HELZ: variants seen among roughly 807,000 people sequenced by gnomAD.
HELZ encodes ATP-dependent RNA helicase with zinc finger domain.
Under a neutral mutation model 218.2 loss-of-function variants are expected in HELZ, and 23 were observed. The ratio of observed to expected loss-of-function variants is 0.11; its 90% CI spans 0.08 to 0.15. HELZ has a LOEUF of 0.15. Ranked by LOEUF, HELZ falls within the 10% of genes least tolerant of loss-of-function variation. The pLI, the probability that HELZ is intolerant of heterozygous loss-of-function variation, is 1.00. For missense variants in HELZ, 1,813 were observed against 2,353.7 expected (o/e 0.77, Z 4.75); for synonymous variants, 814 against 829.4 (o/e 0.98, Z 0.32).
intron 7 of HELZ, among the ~76,000 whole-genome samples, chr17:67,197,424 T>C (rs2040059661): frequency 6.6e-6 from 1 of 152,208 alleles, no homozygotes; most frequent in African/African-American, 2.4e-5. Flanking sequence ...ATCCCTATCC[T>C]TTAAACTCAG....
chr17:67,202,322 A>G (rs1482218274), intron 6 of HELZ, among the ~76,000 whole-genome samples: 1 of 152,152 alleles, frequency 6.6e-6, no homozygotes, highest in Non-Finnish European at 1.5e-5. Context: ...ATCTCAACCA[A>G]AAAAAGCCAA....
At chr17:67,102,319 C>T (rs1428260525) in intron 31 of HELZ, among the ~76,000 whole-genome samples, 2 of 152,124 alleles carry the variant, frequency 1.3e-5, no homozygotes, top group Non-Finnish European at 2.9e-5. Flanking sequence ...CTAGGAAAGG[C>T]TAAATGTTAT....
intron 15 of HELZ, among the ~76,000 whole-genome samples, chr17:67,162,822 G>A (rs2039028895): frequency 6.6e-6 from 1 of 151,558 alleles, no homozygotes; most frequent in African/African-American, 2.4e-5. Context: ...AACTACAGCA[G>A]CCATCTTATA....
chr17:67,085,207 C>T (rs2036331705), intron 32 of HELZ, among the ~76,000 whole-genome samples: 1 of 152,090 alleles, frequency 6.6e-6, no homozygotes. Flanking sequence ...TCGCTTGAGT[C>T]CAGGAGTTTG....
At position 67,128,732 on chromosome 17, in the gene HELZ, C is replaced by A. The variant is rs1231016570; in HGVS notation, c.3306G>T (p.Pro1102=). 1.2e-6 allele frequency: 2 copies of A among 1,614,086 alleles called. No homozygotes were observed. The highest frequency in any genetic ancestry group is 1.7e-5 in the Admixed American group (1 of 60,016). ...LELKKTYVLN[P]LAPEFIPRAL... ...CCCGGGGGATAAATTCAGGTGCCAG[C>A]GGATTCAACACATATGTCTTCTTTA... is the stretch of plus-strand genomic sequence containing the variant. The change falls in exon 24 of 33, where the codon CCG becomes CCT. Residue 1102 remains proline, a synonymous_variant. Coordinates refer to ENST00000358691, the MANE Select transcript of HELZ (RefSeq NM_014877.4).
chr17:67,243,041 GA>G (rs2041368994), intron 2 of HELZ, among the ~76,000 whole-genome samples: 1 of 151,870 alleles, frequency 6.6e-6, no homozygotes, highest in African/African-American at 2.4e-5. Context: ...GAAAACTCGT[GA>G]AAAATGTAAA....
At chr17:67,119,648 TAC>T (rs1273404392) in intron 27 of HELZ, among the ~76,000 whole-genome samples, 1 of 152,170 alleles carries the variant, frequency 6.6e-6, no homozygotes, top group Admixed American at 6.5e-5. Flanking sequence ...GAATAAAAAA[TAC>T]AGTAATTTTT....
chr17:67,118,521 C>T (rs1319650767), intron 27 of HELZ, among the ~76,000 whole-genome samples: 1 of 151,392 alleles, frequency 6.6e-6, no homozygotes, highest in African/African-American at 2.4e-5. Context: ...TGGACTTCAA[C>T]AAAAATAAAA....
intron 3 of HELZ, chr17:67,225,370 ACTC>A (rs2040862359): frequency 1.2e-5 from 2 of 164,026 alleles, no homozygotes; most frequent in South Asian, 1.7e-4. Context: ...CAGCCCGACA[ACTC>A]CTACTTTTAC....
chr17:67,114,946 A>G (rs934090164), intron 27 of HELZ, among the ~76,000 whole-genome samples: 5 of 152,212 alleles, frequency 3.3e-5, no homozygotes, highest in East Asian at 3.8e-4. Context: ...AGGTTTTAAA[A>G]AAGCACAGTT....
intron 2 of HELZ, among the ~76,000 whole-genome samples, chr17:67,240,966 A>C (rs773137846): frequency 1.1e-4 from 16 of 152,222 alleles, no homozygotes; most frequent in Non-Finnish European, 2.1e-4. Context: ...AAAAAGAGGA[A>C]TATTCACTTC....
At position 67,188,185 on chromosome 17, in the gene HELZ, G is replaced by A; in HGVS notation, c.1162+134C>T. On this transcript the variant is annotated intron_variant, in intron 12 of 32. Coordinates refer to ENST00000358691, the MANE Select transcript of HELZ (RefSeq NM_014877.4). This position sits in a 1 kb window ranked among gnomAD's most constrained non-coding sequence, Gnocchi z 4.1. Reference sequence around the variant, plus strand: ...ATTATAAGCCCATTACACAGTAAATGAGTCAATTAAGTTGGGATTTTTTTC... The same window carrying A: ...ATTATAAGCCCATTACACAGTAAATAAGTCAATTAAGTTGGGATTTTTTTC... 1 of 772,668 alleles carries A rather than the reference G, an allele frequency of 1.3e-6. No individual in the cohort carries two copies. The highest frequency in any genetic ancestry group is 3.9e-4 in the Middle Eastern group (1 of 2,574). The allele number at this position is 772,668 out of a possible 1,614,324, so 47.9% of individuals were successfully genotyped here. A position where few individuals can be genotyped will look rare whatever the true frequency, so the allele number is the denominator to read the frequency against.
Position 67,189,560 on chromosome 17 carries a change from T to C in HELZ, c.864+29A>G, listed in dbSNP as rs181981290. 317 of 1,413,470 alleles carry C rather than the reference T, an allele frequency of 2.2e-4. 1 individual carries two copies. The African/African-American group carries it at 4.1e-3, about 18-fold the overall frequency. The allele number at this position is 1,413,470 out of a possible 1,614,324, so 87.6% of individuals were successfully genotyped here. On this transcript the variant is annotated intron_variant, in intron 11 of 32. Transcript: ENST00000358691. ...ACGTTCAGAAAATTAAACACAACTT[T>C]TATGCTTTAACTAGCACAAAATTCA...
intron 31 of HELZ, among the ~76,000 whole-genome samples, chr17:67,104,542 C>T (rs1328865182): frequency 6.6e-6 from 1 of 150,758 alleles, no homozygotes; most frequent in Admixed American, 6.6e-5. Flanking sequence ...GCATAAGCAG[C>T]CAAAGAAAAA....
chr17:67,133,854 T>C (rs1420761921), intron 23 of HELZ, among the ~76,000 whole-genome samples: 1 of 152,182 alleles, frequency 6.6e-6, no homozygotes, highest in Non-Finnish European at 1.5e-5. Flanking sequence ...CCTAATAGTT[T>C]CTAGTTGTTT....
intron 12 of HELZ, among the ~76,000 whole-genome samples, chr17:67,181,531 T>A (rs1346239910): frequency 1.3e-5 from 2 of 152,230 alleles, no homozygotes; most frequent in Non-Finnish European, 2.9e-5. Flanking sequence ...ACTTCATAAA[T>A]GTATACAACT....
At chr17:67,150,133 T>A in intron 18 of HELZ, 148 bp from the exon 19 acceptor site, 4 of 291,938 alleles carry the variant, frequency 1.4e-5, no homozygotes, top group East Asian at 5.7e-5. Flanking sequence ...TTTCTTTCTT[T>A]TTTTTTTTTT....
At position 67,188,674 on chromosome 17, in the gene HELZ, T is replaced by C. The variant is rs2039820729; in HGVS notation, c.865-58A>G. The C allele has an allele frequency of 6.5e-6, 9 of 1,377,294 alleles. No homozygotes were observed. The highest frequency in any genetic ancestry group is 1.9e-4 in the Middle Eastern group (1 of 5,394). The allele number at this position is 1,377,294 out of a possible 1,614,324, so 85.3% of individuals were successfully genotyped here. A position where few individuals can be genotyped will look rare whatever the true frequency, so the allele number is the denominator to read the frequency against. On this transcript the variant is annotated intron_variant, in intron 11 of 32. Transcript: ENST00000358691. This position sits in a 1 kb window ranked among gnomAD's most constrained non-coding sequence, Gnocchi z 4.1. The stretch of plus-strand genomic sequence containing the variant: ...AAGGGGGTGAAAAATCCAATTGTAA[T>C]TGGGCTCTTCAATGAAAATATTTCC...
intron 20 of HELZ, among the ~76,000 whole-genome samples, chr17:67,146,490 C>T (rs1480687245): frequency 6.6e-6 from 1 of 152,166 alleles, no homozygotes; most frequent in African/African-American, 2.4e-5. Context: ...TAAGTTCACT[C>T]TGTGATGTTC....
Sources: gnomAD v4.1 joint callset for allele counts (sites outside exome capture counted in the v4.1 genomes callset) on GRCh38, gnomAD v4.1.1 for gene constraint, Gnocchi (gnomAD v3.1) non-coding constraint, MANE v1.5 for transcripts, NCBI Gene and HGNC (gene_info 2026-07-23, HGNC 2026-07-21) for gene names.